DSP: variants seen among roughly 807,000 people sequenced by gnomAD.
DSP encodes the protein 250/210 kDa paraneoplastic pemphigus antigen.
A neutral mutation model predicts 290.6 loss-of-function variants in DSP; 114 were observed. The ratio of observed to expected loss-of-function variants is 0.39; its 90% CI spans 0.34 to 0.46. The LOEUF (loss-of-function observed/expected upper bound fraction) is 0.46, where lower values mean the gene tolerates loss of function less well. Ranked by LOEUF, DSP falls within the 20% of genes least tolerant of loss-of-function variation. DSP has a pLI of 0.99. For missense variants in DSP, 3,230 were observed against 3,495.8 expected (o/e 0.92, Z 1.92); for synonymous variants, 1,311 against 1,316.4 (o/e 1.00, Z 0.09).
chr6:7,556,277 G>A (rs1377884527), intron 2 of DSP, among the ~76,000 whole-genome samples: 1 of 152,066 alleles, frequency 6.6e-6, no homozygotes, highest in Non-Finnish European at 1.5e-5. Flanking sequence ...GGGAAAAATA[G>A]GCAATGGAAA....
intron 13 of DSP, 63 bp from the exon 14 acceptor site, chr6:7,571,320 T>C (rs1025980658): frequency 2.5e-6 from 4 of 1,599,588 alleles, no homozygotes; most frequent in Non-Finnish European, 3.4e-6. Context: ...TTTGGCCAAC[T>C]CTTCTTGATT....
At position 7,579,922 on chromosome 6, in the gene DSP, G is replaced by GGAAAATC. The variant is rs1554108152; in HGVS notation, c.3735_3741dup (p.Asp1248LysfsTer7). 5.6e-6 allele frequency: 9 copies of GGAAAATC among 1,614,088 alleles called. No individual in the cohort carries two copies. Among genetic ancestry groups the GGAAAATC allele is most frequent in the Non-Finnish European group, 7.6e-6 (9 of 1,180,032 alleles). On this transcript the variant is annotated frameshift_variant, in exon 23 of 24. Coordinates refer to ENST00000379802, the MANE Select transcript of DSP (RefSeq NM_004415.4). LOFTEE classifies it high-confidence loss of function. The surrounding 1 kb of genome is among the most constrained non-coding windows in gnomAD (Gnocchi z 4.1). ...GAAACCAGCTTGATAGACTTTCAAG[G>GGAAAATC]GAAAATCGAGATCTGAAGGATGAAA... is the stretch of plus-strand genomic sequence containing the variant.
chr6:7,555,245 C>T (rs1012989986), intron 1 of DSP, among the ~76,000 whole-genome samples: 13 of 152,070 alleles, frequency 8.5e-5, no homozygotes. Context: ...CATTATTGGG[C>T]TAATTGGTGA....
At position 7,579,199 on chromosome 6, in the gene DSP, G is replaced by A. The variant is rs1759337621; in HGVS notation, c.3085-76G>A. 2.5e-6 allele frequency: 4 copies of A among 1,576,886 alleles called. No individual in the cohort carries two copies. Among genetic ancestry groups the A allele is most frequent in the South Asian group, 1.1e-5 (1 of 87,168 alleles). On this transcript the variant is annotated intron_variant, in intron 22 of 23. Transcript: ENST00000379802. The surrounding 1 kb of genome is among the most constrained non-coding windows in gnomAD (Gnocchi z 4.1). ...GAAATAAGAATGCACATTGGTCTGGGAGGGGAAAAGTACTGCTTCTTTCTT... is the reference window on the plus strand; with the variant it reads ...GAAATAAGAATGCACATTGGTCTGGAAGGGGAAAAGTACTGCTTCTTTCTT...
At chr6:7,553,777 T>C (rs916971725) in intron 1 of DSP, among the ~76,000 whole-genome samples, 4 of 152,146 alleles carry the variant, frequency 2.6e-5, no homozygotes, top group Admixed American at 2.0e-4. Context: ...TTTCGAGAGC[T>C]GGATGGCTCT....
intron 4 of DSP, among the ~76,000 whole-genome samples, chr6:7,560,527 G>A (rs924170723): frequency 2.0e-5 from 3 of 152,112 alleles, no homozygotes; most frequent in African/African-American, 7.2e-5. Flanking sequence ...TTTATATGTA[G>A]TGCCACCCAA....
At chr6:7,548,094 C>T (rs1758220392) in intron 1 of DSP, among the ~76,000 whole-genome samples, 1 of 151,992 alleles carries the variant, frequency 6.6e-6, no homozygotes. Flanking sequence ...TGGTGAAACC[C>T]CGTCTCTACT....
At position 7,585,487 on chromosome 6, in the gene DSP, A is replaced by G. The variant is rs143124957; in HGVS notation, c.8225A>G (p.His2742Arg). ...GGAGGTCTTGTTGACCCGGAAGTGC[A>G]TGGGAGGATAAGCACCGAAGAAGCC... ...LTGGLVDPEV[H>R]GRISTEEAIR... Residue 2742 changes from histidine to arginine, a missense_variant, in exon 24 of 24, where the codon CAT (histidine) becomes CGT (arginine). This residue lies in a region of DSP where 582 missense variants were observed against 555.4 expected (regional missense o/e 1.05). Transcript: ENST00000379802. 1 of 1,614,082 alleles carries G rather than the reference A, an allele frequency of 6.2e-7. No individual in the cohort carries two copies. The highest frequency in any genetic ancestry group is 8.5e-7 in the Non-Finnish European group (1 of 1,180,050).
Position 7,580,472 on chromosome 6 carries a change from G to A in DSP, c.4282G>A (p.Glu1428Lys). The change falls in exon 23 of 24, where the codon GAA becomes AAA. Residue 1428 changes from glutamate to lysine, a missense_variant. Physicochemically the swap from Glu to Lys is moderately conservative, Grantham distance 56. Transcript: ENST00000379802. The surrounding 1 kb of genome is among the most constrained non-coding windows in gnomAD (Gnocchi z 4.2). Reference sequence around the variant, plus strand: ...CACAGAGAATCTCAGGAGGGTGGAAGAAGACATCCAACAGCAAAAGGCCAC... The same window carrying A: ...CACAGAGAATCTCAGGAGGGTGGAAAAAGACATCCAACAGCAAAAGGCCAC... ...QTTENLRRVE[E>K]DIQQQKATGS... 1.9e-6 allele frequency: 3 copies of A among 1,614,132 alleles called. No homozygotes were observed. Among genetic ancestry groups the A allele is most frequent in the Non-Finnish European group, 2.5e-6 (3 of 1,180,030 alleles).
At chr6:7,547,140 C>A (rs1274134554) in intron 1 of DSP, among the ~76,000 whole-genome samples, 2 of 152,096 alleles carry the variant, frequency 1.3e-5, no homozygotes, top group Admixed American at 1.3e-4. Context: ...TTTTCTCCAT[C>A]TCCCTCCCGC....
Position 7,584,469 on chromosome 6 carries a change from G to C in DSP, c.7207G>C (p.Glu2403Gln). Residue 2403 changes from glutamate to glutamine, a missense_variant, in exon 24 of 24, where the codon GAG becomes CAG. By Grantham distance (29) the Glu-to-Gln change is conservative (BLOSUM62 2). Transcript: ENST00000379802. The surrounding 1 kb of genome is among the most constrained non-coding windows in gnomAD (Gnocchi z 6.4). Reference protein sequence around the residue: ...KRGYFNEELSEILSDPSDDTK... With the variant: ...KRGYFNEELSQILSDPSDDTK... ...GGGCTATTTCAATGAGGAACTCAGT[G>C]AGATTCTCTCAGATCCAAGTGATGA... 6.2e-7 allele frequency: 1 copy of C among 1,614,218 alleles called. No homozygotes were observed. The highest frequency in any genetic ancestry group is 8.5e-7 in the Non-Finnish European group (1 of 1,180,048).
intron 1 of DSP, among the ~76,000 whole-genome samples, chr6:7,546,960 C>A (rs1758187485): frequency 6.6e-6 from 1 of 152,110 alleles, no homozygotes; most frequent in Non-Finnish European, 1.5e-5. Context: ...GCCCCTGATG[C>A]CTCAGTGCTG....
At chr6:7,576,241 C>T in intron 18 of DSP, 53 bp from the exon 19 acceptor site, 5 of 1,585,052 alleles carry the variant, frequency 3.2e-6, no homozygotes, top group Admixed American at 1.7e-5. Flanking sequence ...TTCTATGTTA[C>T]ATATTTTAGG....
chr6:7,563,190 C>T (rs567843834), intron 5 of DSP, among the ~76,000 whole-genome samples: 6 of 152,166 alleles, frequency 3.9e-5, no homozygotes, highest in African/African-American at 9.7e-5. Context: ...TATGTCATCC[C>T]GACACCCGCT....
Position 7,585,985 on chromosome 6 carries a change from A to G in DSP, c.*107A>G. ...GGTGCTTGCAGTAGAGTGATAGGACATTCTATGCTTACAGAAAATATAGCC... is the reference window on the plus strand; with the variant it reads ...GGTGCTTGCAGTAGAGTGATAGGACGTTCTATGCTTACAGAAAATATAGCC... On this transcript the variant is annotated 3_prime_UTR_variant, in exon 24 of 24. Coordinates refer to ENST00000379802, the MANE Select transcript of DSP (RefSeq NM_004415.4). 2 of 1,134,530 alleles carry G rather than the reference A, an allele frequency of 1.8e-6. No individual in the cohort carries two copies. The highest frequency in any genetic ancestry group is 2.6e-6 in the Non-Finnish European group (2 of 774,044). The allele number at this position is 1,134,530 out of a possible 1,614,324, so 70.3% of individuals were successfully genotyped here.
chr6:7,583,361 G>A lies in DSP; in HGVS notation c.6099G>A (p.Glu2033=). 4 of 1,614,156 alleles carry A rather than the reference G, an allele frequency of 2.5e-6. No homozygotes were observed. The highest frequency in any genetic ancestry group is 2.2e-5 in the East Asian group (1 of 44,888). Residue 2033 remains glutamate, a synonymous_variant, in exon 24 of 24, where the codon GAG becomes GAA. Transcript: ENST00000379802. The surrounding 1 kb of genome is among the most constrained non-coding windows in gnomAD (Gnocchi z 4.0). ...CTAAGGAAAAATACTCTTTGGTAGAGGCCAAGAGAAAGAAATTAATCAGCC... is the reference window on the plus strand; with the variant it reads ...CTAAGGAAAAATACTCTTTGGTAGAAGCCAAGAGAAAGAAATTAATCAGCC... ...ASPKEKYSLV[E]AKRKKLISPE... is the part of the protein sequence containing the mutation.
At position 7,581,009 on chromosome 6, in the gene DSP, G is replaced by A. The variant is rs750054075; in HGVS notation, c.4819G>A (p.Glu1607Lys). ...GGAAGGCATGAGGAGGTCGCTGAAGGAGCAAGCCATCAAAATCACCAACCT... is the reference window on the plus strand; with the variant it reads ...GGAAGGCATGAGGAGGTCGCTGAAGAAGCAAGCCATCAAAATCACCAACCT... ...ELEGMRRSLK[E>K]QAIKITNLTQ... The change falls in exon 23 of 24, where the codon GAG becomes AAG. Residue 1607 changes from glutamate (E) to lysine (K), a missense_variant. By Grantham distance (56) the Glu-to-Lys change is moderately conservative. Transcript: ENST00000379802. 9.3e-6 allele frequency: 15 copies of A among 1,613,906 alleles called. No homozygotes were observed. In the East Asian group the frequency reaches 2.2e-4, roughly 24 times the overall value.
rs1488948032 is a variant in DSP, at chr6:7,579,622, A to C, written c.3432A>C (p.Lys1144Asn). Residue 1144 changes from lysine (K) to asparagine (N), a missense_variant, in exon 23 of 24, where the codon AAA becomes AAC. Physicochemically the swap from Lys to Asn is moderately conservative, Grantham distance 94. This residue lies in a region of DSP where 1,714 missense variants were observed against 1,844.5 expected (regional missense o/e 0.93). Transcript: ENST00000379802. This position sits in a 1 kb window ranked among gnomAD's most constrained non-coding sequence, Gnocchi z 4.1. ...QQKNDYDQLQKARQCEKENLG... is the reference protein window; with the variant it reads ...QQKNDYDQLQNARQCEKENLG... ...AGAATGACTATGACCAACTGCAGAAAGCAAGGCAATGTGAAAAGGAGAACC... is the reference window on the plus strand; with the variant it reads ...AGAATGACTATGACCAACTGCAGAACGCAAGGCAATGTGAAAAGGAGAACC... The C allele has an allele frequency of 1.9e-6, 3 of 1,614,080 alleles. No homozygotes were observed. The highest frequency in any genetic ancestry group is 1.7e-6 in the Non-Finnish European group (2 of 1,180,024).
chr6:7,583,781 G>A lies in DSP; in HGVS notation c.6519G>A (p.Val2173=). 1 of 1,614,078 alleles carries A rather than the reference G, an allele frequency of 6.2e-7. No individual in the cohort carries two copies. Among genetic ancestry groups the A allele is most frequent in the South Asian group, 1.1e-5 (1 of 91,056 alleles). ...NDPRDSQKNF[V]DPVTKKKVSY... is the part of the protein sequence containing the mutation. ...CCCGAGATAGTCAGAAAAACTTTGTGGATCCAGTCACCAAAAAGAAGGTCA... is the reference window on the plus strand; with the variant it reads ...CCCGAGATAGTCAGAAAAACTTTGTAGATCCAGTCACCAAAAAGAAGGTCA... The change falls in exon 24 of 24, where the codon GTG becomes GTA. Residue 2173 remains valine, a synonymous_variant. Transcript: ENST00000379802. This position sits in a 1 kb window ranked among gnomAD's most constrained non-coding sequence, Gnocchi z 4.0.
Sources: gnomAD v4.1 joint callset for allele counts (sites outside exome capture counted in the v4.1 genomes callset) on GRCh38, gnomAD v4.1.1 for gene constraint, gnomAD v4.1.1 regional missense constraint, Gnocchi (gnomAD v3.1) non-coding constraint, MANE v1.5 for transcripts, NCBI Gene and HGNC (gene_info 2026-07-23, HGNC 2026-07-21) for gene names.